The following ESRRG variants were observed in gnomAD, a reference collection of about 807,000 sequenced individuals.
ESRRG encodes the protein estrogen-related receptor gamma.
In ESRRG, 13 loss-of-function variants were observed where a neutral mutation model predicts 44.0. The observed-to-expected ratio is 0.30, with a 90% CI of 0.19 to 0.47. ESRRG has a LOEUF of 0.47. Among genes scored for constraint, ESRRG ranks in the 20% least tolerant of loss-of-function variants. The pLI is 1.00. For missense variants in ESRRG, 395 were observed against 580.6 expected, an observed-to-expected ratio of 0.68 and a Z score of 3.29; for synonymous variants, 215 against 214.6, an observed-to-expected ratio of 1.00 and a Z score of -0.02.
At chr1:216,643,299 A>C (rs2066832434) in intron 3 of ESRRG, among the ~76,000 whole-genome samples, 1 of 152,102 alleles carries the variant, frequency 6.6e-6, no homozygotes, top group African/African-American at 2.4e-5. Flanking sequence ...CAGAAAATAT[A>C]CTCCATGGAC....
chr1:216,779,919 C>T (rs1036156863), intron 2 of ESRRG, among the ~76,000 whole-genome samples: 5 of 151,664 alleles, frequency 3.3e-5, no homozygotes, highest in Non-Finnish European at 7.4e-5. Flanking sequence ...CATTAAAAAT[C>T]AAACAAGATG....
At chr1:217,131,325 T>C (rs1427691659) in intron 1 of ESRRG, among the ~76,000 whole-genome samples, 1 of 148,074 alleles carries the variant, frequency 6.8e-6, no homozygotes, top group Non-Finnish European at 1.5e-5. Context: ...TTATTCCAAA[T>C]AGCAAAGAAA....
At chr1:217,067,595 A>G (rs1397843823) in intron 1 of ESRRG, among the ~76,000 whole-genome samples, 2 of 152,222 alleles carry the variant, frequency 1.3e-5, no homozygotes, top group East Asian at 3.9e-4. Context: ...TGAATAAACT[A>G]TCTACCTGGA....
intron 6 of ESRRG, among the ~76,000 whole-genome samples, chr1:216,510,118 T>G (rs1004863085): frequency 1.3e-5 from 2 of 152,176 alleles, no homozygotes; most frequent in African/African-American, 4.8e-5. Context: ...CTAGGCTACA[T>G]ATTAAAAACA....
intron 2 of ESRRG, among the ~76,000 whole-genome samples, chr1:216,659,671 T>A (rs1460639765): frequency 6.6e-6 from 1 of 152,310 alleles, no homozygotes; most frequent in Non-Finnish European, 1.5e-5. Context: ...CTCCTCTCTA[T>A]GTGCTGCTTC....
chr1:217,000,692 C>T (rs898815588), intron 1 of ESRRG: 1 of 152,180 alleles, frequency 6.6e-6, no homozygotes, highest in South Asian at 2.1e-4. Flanking sequence ...GTTGCACTAA[C>T]TCCAAGTGAA....
At chr1:217,128,612 T>C (rs1156341251) in intron 1 of ESRRG, among the ~76,000 whole-genome samples, 2 of 152,208 alleles carry the variant, frequency 1.3e-5, no homozygotes, top group Non-Finnish European at 2.9e-5. Flanking sequence ...ATAACTACTG[T>C]CATCCTGAGA....
At chr1:216,772,047 G>C (rs566393490) in intron 2 of ESRRG, among the ~76,000 whole-genome samples, 1 of 151,792 alleles carries the variant, frequency 6.6e-6, no homozygotes, top group East Asian at 1.9e-4. Context: ...TCTATAAAGG[G>C]GGCAGCTTCA....
At chr1:216,553,446 T>A (rs2056869258) in intron 5 of ESRRG, among the ~76,000 whole-genome samples, 1 of 152,154 alleles carries the variant, frequency 6.6e-6, no homozygotes, top group African/African-American at 2.4e-5. Context: ...TTAAGTGAAA[T>A]CCAGTTGAAG....
intron 2 of ESRRG, among the ~76,000 whole-genome samples, chr1:216,661,543 C>T (rs371022652): frequency 7.9e-5 from 12 of 152,174 alleles, no homozygotes; most frequent in African/African-American, 2.4e-4. Context: ...TTTATGGTGA[C>T]TTTTGCAGAC....
At chr1:216,879,347 T>C (rs1282308361) in intron 2 of ESRRG, among the ~76,000 whole-genome samples, 2 of 152,046 alleles carry the variant, frequency 1.3e-5, no homozygotes, top group Non-Finnish European at 2.9e-5. Flanking sequence ...TCTCTGCAAT[T>C]GCCATGACAG....
chr1:216,894,902 G>A (rs147717526), intron 2 of ESRRG, among the ~76,000 whole-genome samples: 92 of 152,140 alleles, frequency 6.0e-4, no homozygotes, highest in African/African-American at 2.0e-3. Context: ...CCCCATCCAC[G>A]TTAATTTTTT....
chr1:216,891,534 C>T (rs554528769), intron 2 of ESRRG, among the ~76,000 whole-genome samples: 40 of 152,322 alleles, frequency 2.6e-4, no homozygotes, highest in African/African-American at 9.4e-4. Context: ...GAAGAATAAG[C>T]CTGCTTTTGT....
Position 216,651,203 on chromosome 1 carries a change from C to T in ESRRG, c.473-114G>A, listed in dbSNP as rs889487136. 6.8e-5 allele frequency: 48 copies of T among 706,024 alleles called. No homozygotes were observed. In the African/African-American group the frequency reaches 7.8e-4, roughly 11 times the overall value. The allele number at this position is 706,024 out of a possible 1,614,324, so 43.7% of individuals were successfully genotyped here. On this transcript the variant is annotated intron_variant, in intron 2 of 6. Coordinates refer to ENST00000408911, the MANE Select transcript of ESRRG (RefSeq NM_001438.4). ...TACTCTCCCACCCCAAAAAATGTCA[C>T]ATGAGACTCAAGAGAAATGTCATAA...
At chr1:216,873,322 C>T (rs1290238040) in intron 2 of ESRRG, among the ~76,000 whole-genome samples, 3 of 147,184 alleles carry the variant, frequency 2.0e-5, no homozygotes, top group African/African-American at 7.6e-5. Flanking sequence ...AGCAATTCTC[C>T]TGCCTCAGCC....
intron 2 of ESRRG, among the ~76,000 whole-genome samples, chr1:216,745,676 G>A (rs1366214436): frequency 6.6e-6 from 1 of 152,128 alleles, no homozygotes; most frequent in East Asian, 1.9e-4. Flanking sequence ...AGGAGGTTGG[G>A]TAAGTTTCCA....
chr1:216,831,648 A>G (rs1222647258), intron 2 of ESRRG, among the ~76,000 whole-genome samples: 1 of 152,184 alleles, frequency 6.6e-6, no homozygotes, highest in Admixed American at 6.5e-5. Context: ...AATATTAGAT[A>G]AAAAATTTAG....
chr1:216,666,817 T>C (rs1035221913), intron 2 of ESRRG, among the ~76,000 whole-genome samples: 4 of 152,162 alleles, frequency 2.6e-5, no homozygotes, highest in Admixed American at 2.6e-4. Flanking sequence ...AAGTGATCTG[T>C]GAAGTCCCTT....
At chr1:216,946,832 C>T (rs934760103) in intron 1 of ESRRG, among the ~76,000 whole-genome samples, 54 of 151,996 alleles carry the variant, frequency 3.6e-4, no homozygotes, top group African/African-American at 1.0e-3. Context: ...TCCTGAGTAG[C>T]GAGATTATAG....
Sources: gnomAD v4.1 joint callset for allele counts (sites outside exome capture counted in the v4.1 genomes callset) on GRCh38, gnomAD v4.1.1 for gene constraint, MANE v1.5 for transcripts, NCBI Gene and HGNC (gene_info 2026-07-23, HGNC 2026-07-21) for gene names.